Variants in ELMOD1 observed in about 807,000 individuals in gnomAD.
ELMOD1 encodes the protein ELMO domain containing 1, also known as ELMO domain-containing protein 1.
Under a neutral mutation model 46.7 loss-of-function variants are expected in ELMOD1, and 21 were observed. The ratio of observed to expected loss-of-function variants is 0.45; its 90% CI spans 0.32 to 0.65. The LOEUF (loss-of-function observed/expected upper bound fraction) is 0.65, where lower values mean the gene tolerates loss of function less well. ELMOD1 is among the 30% of genes least tolerant of loss of function. ELMOD1 has a pLI of 0.04. For missense variants in ELMOD1, 348 were observed against 407.8 expected, an observed-to-expected ratio of 0.85 and a Z score of 1.26; for synonymous variants, 122 against 138.2, an observed-to-expected ratio of 0.88 and a Z score of 0.82.
intron 2 of ELMOD1, among the ~76,000 whole-genome samples, chr11:107,618,680 C>T (rs554024129): frequency 2.0e-5 from 3 of 152,326 alleles, no homozygotes; most frequent in East Asian, 3.9e-4. Context: ...TAAGCTTCCG[C>T]TCTTCTTACC....
chr11:107,647,670 G>T (rs960067317), intron 7 of ELMOD1, 69 bp downstream of exon 7: 2 of 1,492,976 alleles, frequency 1.3e-6, no homozygotes, highest in Non-Finnish European at 1.8e-6. Flanking sequence ...AATGGCAAAA[G>T]TTGAGTAATT....
At chr11:107,624,491 A>C (rs770247207) in intron 2 of ELMOD1, among the ~76,000 whole-genome samples, 1 of 152,172 alleles carries the variant, frequency 6.6e-6, no homozygotes, top group Non-Finnish European at 1.5e-5. Context: ...TCTTTATAGA[A>C]AATACAAAAA....
chr11:107,644,733 C>G (rs972474537), intron 6 of ELMOD1, among the ~76,000 whole-genome samples: 1 of 152,100 alleles, frequency 6.6e-6, no homozygotes, highest in Non-Finnish European at 1.5e-5. Context: ...CTCGGCCTCC[C>G]AAAGTGCTGG....
intron 5 of ELMOD1, among the ~76,000 whole-genome samples, chr11:107,635,374 G>A (rs755269080): frequency 3.6e-4 from 55 of 152,198 alleles, no homozygotes; most frequent in Non-Finnish European, 6.9e-4. Context: ...CTTGGCCTCA[G>A]AAATCCCTTA....
In ELMOD1 at chr11:107,615,985, CTTTTTTTTTT is replaced by C. The variant is rs57135460; in HGVS notation, c.-85-2101_-85-2092del. 1.9e-4 allele frequency among the ~76,000 whole-genome samples: 14 copies of C among 74,054 alleles called. No individual in the cohort carries two copies. In the East Asian group the frequency reaches 2.1e-3, roughly 11 times the overall value. The allele number at this position is 74,054 out of a possible 152,430, so 48.6% of individuals were successfully genotyped here. Reference sequence around the variant, plus strand: ...TGAGGCAGTGTTTGTCAGGTTTTTCCTTTTTTTTTTTTTTTTTTTTTTTTTTTTGAGACAG... The same window carrying C: ...TGAGGCAGTGTTTGTCAGGTTTTTCCTTTTTTTTTTTTTTTTTTGAGACAG... On this transcript the variant is annotated intron_variant, in intron 1 of 11. Transcript: ENST00000265840.
intron 1 of ELMOD1, among the ~76,000 whole-genome samples, chr11:107,615,776 G>A (rs925440041): frequency 6.6e-6 from 1 of 151,830 alleles, no homozygotes; most frequent in South Asian, 2.1e-4. Flanking sequence ...GCTTTTCAGA[G>A]TTTTGAGGGG....
chr11:107,594,794 T>G (rs150323248), intron 1 of ELMOD1, among the ~76,000 whole-genome samples: 2 of 152,350 alleles, frequency 1.3e-5, no homozygotes, highest in East Asian at 3.9e-4. Flanking sequence ...TGAGATCATT[T>G]CTGATTTGAT....
At chr11:107,645,293 T>C (rs952249549) in intron 6 of ELMOD1, among the ~76,000 whole-genome samples, 1 of 151,350 alleles carries the variant, frequency 6.6e-6, no homozygotes, top group African/African-American at 2.4e-5. Context: ...TGGTCTCATT[T>C]AGTCTTTTCT....
At chr11:107,629,839 G>A (rs1005167684) in intron 2 of ELMOD1, among the ~76,000 whole-genome samples, 3 of 152,138 alleles carry the variant, frequency 2.0e-5, no homozygotes, top group African/African-American at 7.2e-5. Context: ...GTTAGGATAG[G>A]TCAGCAGAAA....
chr11:107,641,160 T>C (rs7931885), intron 6 of ELMOD1, among the ~76,000 whole-genome samples: 104,874 of 151,878 alleles, frequency 0.69, 36,425 homozygotes, highest in Non-Finnish European at 0.73. Context: ...GGCGTGGTGG[T>C]GCACACCTGT....
chr11:107,622,642 T>C (rs1865970046), intron 2 of ELMOD1, among the ~76,000 whole-genome samples: 1 of 152,242 alleles, frequency 6.6e-6, no homozygotes. Flanking sequence ...AGTCTGACTT[T>C]CAGACAAGTT....
intron 1 of ELMOD1, among the ~76,000 whole-genome samples, chr11:107,614,465 A>T (rs1865828043): frequency 6.6e-6 from 1 of 152,082 alleles, no homozygotes; most frequent in Non-Finnish European, 1.5e-5. Context: ...CAGCCTCCTG[A>T]GTAACTGGGG....
intron 6 of ELMOD1, among the ~76,000 whole-genome samples, chr11:107,636,798 C>A (rs1264984205): frequency 6.6e-6 from 1 of 152,114 alleles, no homozygotes; most frequent in East Asian, 1.9e-4. Context: ...TTCCTTTTCT[C>A]CCTGCTGAAG....
Position 107,660,418 on chromosome 11 carries a change from T to C in ELMOD1, c.832+4352T>C, listed in dbSNP as rs959121221. Among the ~76,000 whole-genome samples, 5 of 152,310 alleles carry C rather than the reference T, an allele frequency of 3.3e-5. No homozygotes were observed. The East Asian group carries it at 9.6e-4, about 29-fold the overall frequency. On this transcript the variant is annotated intron_variant, in intron 11 of 11. Coordinates refer to ENST00000265840, the MANE Select transcript of ELMOD1 (RefSeq NM_018712.4). ...AATTGCATTCAGTCTAAAGCTCCACTGAACACACAGCCCCATTGAAATGGA... is the reference window on the plus strand; with the variant it reads ...AATTGCATTCAGTCTAAAGCTCCACCGAACACACAGCCCCATTGAAATGGA...
intron 9 of ELMOD1, among the ~76,000 whole-genome samples, chr11:107,651,500 C>T (rs1338154656): frequency 2.0e-5 from 3 of 152,070 alleles, no homozygotes; most frequent in Non-Finnish European, 4.4e-5. Flanking sequence ...TCCCCCTCCA[C>T]CTTACTATTT....
At chr11:107,592,584 C>G (rs938200267) in intron 1 of ELMOD1, 27 of 269,836 alleles carry the variant, frequency 1.0e-4, no homozygotes, top group African/African-American at 5.9e-4. Context: ...TAGTCATTCC[C>G]TCCCCCAGAA....
chr11:107,591,766 C>G (rs993747216), intron 1 of ELMOD1: 1 of 449,716 alleles, frequency 2.2e-6, no homozygotes, highest in South Asian at 1.6e-5. Context: ...AAATGGAAGG[C>G]GGGACAAGGG....
chr11:107,625,439 G>T, intron 2 of ELMOD1: 1 of 985,124 alleles, frequency 1.0e-6, no homozygotes, highest in Non-Finnish European at 1.2e-6. Flanking sequence ...CACATTCATT[G>T]AAACTGTTCA....
intron 1 of ELMOD1, among the ~76,000 whole-genome samples, chr11:107,609,010 T>A (rs1365626188): frequency 6.6e-6 from 1 of 152,204 alleles, no homozygotes; most frequent in Admixed American, 6.5e-5. Flanking sequence ...TTTGAATCTC[T>A]GCCACATCCT....
Sources: gnomAD v4.1 joint callset for allele counts (sites outside exome capture counted in the v4.1 genomes callset) on GRCh38, gnomAD v4.1.1 for gene constraint, MANE v1.5 for transcripts, NCBI Gene and HGNC (gene_info 2026-07-23, HGNC 2026-07-21) for gene names.